SYNPR: variants seen among roughly 807,000 people sequenced by gnomAD.
SYNPR encodes synaptoporin.
SYNPR carries 23 observed loss-of-function variants against 32.9 expected under a neutral mutation model. The ratio of observed to expected loss-of-function variants is 0.70; its 90% CI spans 0.50 to 0.99. The LOEUF (loss-of-function observed/expected upper bound fraction) is 0.99, where lower values mean the gene tolerates loss of function less well. Ranked by LOEUF, SYNPR falls within the 50% of genes least tolerant of loss-of-function variation. SYNPR has a pLI of 0.00. For missense variants in SYNPR, 318 were observed against 349.3 expected, an observed-to-expected ratio of 0.91 and a Z score of 0.71; for synonymous variants, 146 against 135.9, an observed-to-expected ratio of 1.07 and a Z score of -0.52.
intron 5 of SYNPR, among the ~76,000 whole-genome samples, chr3:63,609,906 T>G (rs1477146622): frequency 6.6e-6 from 1 of 152,050 alleles, no homozygotes; most frequent in Non-Finnish European, 1.5e-5. Flanking sequence ...TGAGACTCGG[T>G]CTCAAAAACA....
intron 1 of SYNPR, among the ~76,000 whole-genome samples, chr3:63,245,754 T>A: frequency 7.3e-6 from 1 of 137,606 alleles, no homozygotes; most frequent in African/African-American, 2.6e-5. Flanking sequence ...TGTGTGTGTG[T>A]GTGTGTGTGT....
At chr3:63,288,936 A>G (rs9816007) in intron 2 of SYNPR, among the ~76,000 whole-genome samples, 70,466 of 151,942 alleles carry the variant, frequency 0.46, 16,525 homozygotes, top group Middle Eastern at 0.52. Flanking sequence ...TTTGGGGTCC[A>G]TTTTATACCA....
chr3:63,424,805 C>T (rs1363335520), intron 2 of SYNPR, among the ~76,000 whole-genome samples: 1 of 152,084 alleles, frequency 6.6e-6, no homozygotes, highest in African/African-American at 2.4e-5. Context: ...ATTTTCCTTA[C>T]CACTCTTCAT....
At chr3:63,342,088 AGTTG>A (rs2087377119) in intron 2 of SYNPR, among the ~76,000 whole-genome samples, 1 of 152,074 alleles carries the variant, frequency 6.6e-6, no homozygotes, top group African/African-American at 2.4e-5. Context: ...ATAAATGTTC[AGTTG>A]TTTTAGCACC....
At chr3:63,483,999 A>G (rs147937117) in intron 3 of SYNPR, among the ~76,000 whole-genome samples, 2 of 152,314 alleles carry the variant, frequency 1.3e-5, no homozygotes, top group East Asian at 3.9e-4. Flanking sequence ...TAGTTTGTAA[A>G]TGATACATCA....
At chr3:63,298,411 G>A (rs2086811783) in intron 2 of SYNPR, among the ~76,000 whole-genome samples, 1 of 152,076 alleles carries the variant, frequency 6.6e-6, no homozygotes, top group South Asian at 2.1e-4. Context: ...ACCGATGAGG[G>A]TAATTTGTTA....
At chr3:63,313,142 G>A (rs2086986206) in intron 2 of SYNPR, among the ~76,000 whole-genome samples, 1 of 152,002 alleles carries the variant, frequency 6.6e-6, no homozygotes, top group Non-Finnish European at 1.5e-5. Context: ...ACCATTTATT[G>A]AAAGAATGAA....
chr3:63,307,740 A>G (rs1035482139), intron 2 of SYNPR, among the ~76,000 whole-genome samples: 11 of 152,052 alleles, frequency 7.2e-5, no homozygotes, highest in African/African-American at 2.4e-4. Context: ...TGATTTTCAT[A>G]TATTAAGTTT....
intron 3 of SYNPR, chr3:63,549,936 A>G (rs1702472875): frequency 1.3e-5 from 2 of 152,120 alleles, no homozygotes; most frequent in Admixed American, 1.3e-4. Context: ...GCAAGCCAGG[A>G]AGAGAATTTT....
At chr3:63,553,799 G>A (rs750337554) in intron 3 of SYNPR, among the ~76,000 whole-genome samples, 1 of 152,086 alleles carries the variant, frequency 6.6e-6, no homozygotes, top group East Asian at 1.9e-4. Flanking sequence ...TCGGCTCATC[G>A]CAACCTCCGC....
intron 2 of SYNPR, among the ~76,000 whole-genome samples, chr3:63,419,022 T>G (rs2088575403): frequency 6.6e-6 from 1 of 152,220 alleles, no homozygotes; most frequent in Non-Finnish European, 1.5e-5. Flanking sequence ...CTGTACATTC[T>G]CTCCACTTTT....
rs10530383 is a variant in SYNPR, at chr3:63,586,654, A to ATGTGTGTGTGTGTGTGTG, written c.409-22459_409-22442dup. ...TCTTCCCTTTCTTCTTGCAGATTCA[A>ATGTGTGTGTGTGTGTGTG]TGTGTGTGTGTGTGTGTGTGTGTGT... On this transcript the variant is annotated intron_variant, in intron 4 of 5. Coordinates refer to ENST00000478300, the MANE Select transcript of SYNPR (RefSeq NM_001130003.2). 2.3e-4 allele frequency among the ~76,000 whole-genome samples: 33 copies of ATGTGTGTGTGTGTGTGTG among 143,658 alleles called. No individual in the cohort carries two copies. The East Asian group carries it at 5.8e-3, about 25-fold the overall frequency. The allele number at this position is 143,658 out of a possible 152,430, so 94.2% of individuals were successfully genotyped here. A position where few individuals can be genotyped will look rare whatever the true frequency, so the allele number is the denominator to read the frequency against.
At chr3:63,300,655 G>A (rs1413058833) in intron 2 of SYNPR, among the ~76,000 whole-genome samples, 1 of 152,054 alleles carries the variant, frequency 6.6e-6, no homozygotes, top group Non-Finnish European at 1.5e-5. Context: ...GTAGCCCATA[G>A]CCAGTAACAG....
chr3:63,470,130 A>G (rs1049772209), intron 2 of SYNPR, among the ~76,000 whole-genome samples: 4 of 152,226 alleles, frequency 2.6e-5, no homozygotes, highest in African/African-American at 9.6e-5. Context: ...GTTACAACTA[A>G]TAACACTTCA....
intron 2 of SYNPR, among the ~76,000 whole-genome samples, chr3:63,259,788 C>T (rs1440735687): frequency 1.3e-5 from 2 of 152,166 alleles, no homozygotes; most frequent in East Asian, 1.9e-4. Context: ...CAAATTGTCC[C>T]TGTTTGCCGA....
At chr3:63,580,654 T>C (rs1282006766) in intron 4 of SYNPR, among the ~76,000 whole-genome samples, 5 of 152,106 alleles carry the variant, frequency 3.3e-5, no homozygotes, top group African/African-American at 1.2e-4. Flanking sequence ...ATTTTTCCAA[T>C]TGTGGTCAAA....
chr3:63,435,325 A>G lies in SYNPR; in HGVS notation c.85-45507A>G, dbSNP rs149879323. On this transcript the variant is annotated intron_variant, in intron 2 of 5. Transcript: ENST00000478300. ...AGTAGATCAGGTTGAATGATAATCA[A>G]ATGACATAATCCATGAACAGCGCTT... is the stretch of plus-strand genomic sequence containing the variant. Among the ~76,000 whole-genome samples, 14 of 152,364 alleles carry G rather than the reference A, an allele frequency of 9.2e-5. No homozygotes were observed. In the East Asian group the frequency reaches 1.4e-3, roughly 15 times the overall value.
chr3:63,206,537 G>T, the SYNPR span, among the ~76,000 whole-genome samples: 2 of 151,928 alleles, frequency 1.3e-5, no homozygotes, highest in African/African-American at 4.8e-5. Context: ...CTCCAGCCTG[G>T]GTGACAGAGT....
At chr3:63,526,510 G>T (rs999769179) in intron 3 of SYNPR, among the ~76,000 whole-genome samples, 6 of 152,124 alleles carry the variant, frequency 3.9e-5, no homozygotes, top group African/African-American at 1.4e-4. Flanking sequence ...TTTGTTCAAT[G>T]AATGAATTTA....
Sources: gnomAD v4.1 joint callset for allele counts (sites outside exome capture counted in the v4.1 genomes callset) on GRCh38, gnomAD v4.1.1 for gene constraint, MANE v1.5 for transcripts, NCBI Gene and HGNC (gene_info 2026-07-23, HGNC 2026-07-21) for gene names.